Variants in CNTNAP5 observed in about 807,000 individuals in gnomAD.
CNTNAP5 encodes the protein contactin-associated protein-like 5.
CNTNAP5 carries 72 observed loss-of-function variants against 150.2 expected under a neutral mutation model. The observed-to-expected ratio is 0.48, with a 90% confidence interval of 0.40 to 0.58. The LOEUF (loss-of-function observed/expected upper bound fraction) is 0.58. Among genes scored for constraint, CNTNAP5 ranks in the 20% least tolerant of loss-of-function variants. The pLI is 0.00. For synonymous variants in CNTNAP5, 672 were observed against 619.8 expected (o/e 1.08, Z -1.25); for missense variants, 1,636 against 1,626.2 (o/e 1.01, Z -0.10).
intron 19 of CNTNAP5, among the ~76,000 whole-genome samples, chr2:124,850,273 A>T (rs150574283): frequency 6.6e-6 from 1 of 152,338 alleles, no homozygotes; most frequent in East Asian, 1.9e-4. Flanking sequence ...TAACAGATGT[A>T]ATAAATTAAG....
At chr2:124,529,228 C>T (rs1695049772) in intron 10 of CNTNAP5, among the ~76,000 whole-genome samples, 1 of 152,146 alleles carries the variant, frequency 6.6e-6, no homozygotes, top group South Asian at 2.1e-4. Context: ...CATCCTACTT[C>T]ATCAGCCAGT....
chr2:124,891,765 C>CAGTGGTGTTT (rs1225611228), intron 21 of CNTNAP5, among the ~76,000 whole-genome samples: 1 of 152,040 alleles, frequency 6.6e-6, no homozygotes, highest in African/African-American at 2.4e-5. Flanking sequence ...TAATTAAATA[C>CAGTGGTGTTT]AGTGGTGTTT....
At chr2:124,685,521 T>C (rs1484974931) in intron 13 of CNTNAP5, among the ~76,000 whole-genome samples, 1 of 152,194 alleles carries the variant, frequency 6.6e-6, no homozygotes, top group Non-Finnish European at 1.5e-5. Context: ...TTGTGATGAC[T>C]TAAGGTAGTG....
At chr2:124,485,946 C>T (rs1693870935) in intron 7 of CNTNAP5, among the ~76,000 whole-genome samples, 1 of 152,178 alleles carries the variant, frequency 6.6e-6, no homozygotes, top group Non-Finnish European at 1.5e-5. Flanking sequence ...TGAGCAATTT[C>T]ACTACTAGGT....
chr2:124,421,028 C>A (rs766830525), intron 4 of CNTNAP5, among the ~76,000 whole-genome samples: 45 of 152,180 alleles, frequency 3.0e-4, no homozygotes, highest in Non-Finnish European at 7.3e-5. Flanking sequence ...AAAGCTATGT[C>A]CATATTTTTA....
chr2:124,660,943 CAAAA>C (rs34511096), intron 13 of CNTNAP5, among the ~76,000 whole-genome samples: 53 of 104,154 alleles, frequency 5.1e-4, no homozygotes, highest in Non-Finnish European at 5.8e-4. Flanking sequence ...GACTGGGTCT[CAAAA>C]AAAAAAAAAA....
intron 1 of CNTNAP5, among the ~76,000 whole-genome samples, chr2:124,218,666 C>T (rs765576314): frequency 5.3e-5 from 8 of 152,056 alleles, no homozygotes; most frequent in East Asian, 3.9e-4. Context: ...GAGGAGAAAA[C>T]GGACAGTAGG....
chr2:124,479,768 A>G lies in CNTNAP5; in HGVS notation c.1062+4886A>G, dbSNP rs1223877713. Among the ~76,000 whole-genome samples the G allele has an allele frequency of 2.6e-5, 4 of 152,192 alleles. 1 individual carries two copies. The South Asian group carries it at 6.2e-4, about 24-fold the overall frequency. ...TTCAGTGTTCCTGGAAGCATCCTCA[A>G]TAAAATCATAATTGAAACATTGACT... On this transcript the variant is annotated intron_variant, in intron 7 of 23. Transcript: ENST00000682447.
At chr2:124,060,575 G>A (rs1179094465) in intron 1 of CNTNAP5, among the ~76,000 whole-genome samples, 1 of 152,216 alleles carries the variant, frequency 6.6e-6, no homozygotes, top group Non-Finnish European at 1.5e-5. Flanking sequence ...GACCTCCTTA[G>A]GTGGAGAAGG....
chr2:124,043,835 C>T (rs1317255265), intron 1 of CNTNAP5, among the ~76,000 whole-genome samples: 1 of 152,172 alleles, frequency 6.6e-6, no homozygotes, highest in Admixed American at 6.5e-5. Context: ...ACTTACTTGG[C>T]CCTCAACTAA....
intron 17 of CNTNAP5, among the ~76,000 whole-genome samples, chr2:124,785,273 G>A (rs952938135): frequency 6.6e-6 from 1 of 152,156 alleles, no homozygotes; most frequent in Non-Finnish European, 1.5e-5. Flanking sequence ...GTGGTCAAGT[G>A]GAGAGTGCAT....
Position 124,236,460 on chromosome 2 carries a change from G to C in CNTNAP5, c.188-5740G>C, listed in dbSNP as rs143081290. Reference sequence around the variant, plus strand: ...GCCACAGGTCCTATTACACATGGGTGATCCCGTTCTACAGGGAGGAGCAGG... The same window carrying C: ...GCCACAGGTCCTATTACACATGGGTCATCCCGTTCTACAGGGAGGAGCAGG... On this transcript the variant is annotated intron_variant, in intron 2 of 23. Coordinates refer to ENST00000682447, the MANE Select transcript of CNTNAP5 (RefSeq NM_001367498.1). Among the ~76,000 whole-genome samples the C allele has an allele frequency of 3.8e-3, 574 of 152,298 alleles. 4 individuals carry two copies. The highest frequency in any genetic ancestry group is 0.013 in the African/African-American group (554 of 41,562).
intron 8 of CNTNAP5, among the ~76,000 whole-genome samples, chr2:124,517,255 GTGA>G (rs1694741450): frequency 6.6e-6 from 1 of 151,064 alleles, no homozygotes. Context: ...TGTAATGTTG[GTGA>G]TGAGGTGTGG....
chr2:124,594,318 G>T (rs1297072983), intron 11 of CNTNAP5, among the ~76,000 whole-genome samples: 2 of 147,956 alleles, frequency 1.4e-5, no homozygotes, highest in African/African-American at 2.5e-5. Context: ...TTTGTATAAG[G>T]TGTAAGGAAG....
chr2:124,586,986 G>A (rs74468364), intron 11 of CNTNAP5, among the ~76,000 whole-genome samples: 1 of 152,020 alleles, frequency 6.6e-6, no homozygotes, highest in Non-Finnish European at 1.5e-5. Context: ...CTGCTGAATG[G>A]TGAGTGGACT....
chr2:124,176,842 G>GGTTTTTTTTT (rs1685077045), intron 1 of CNTNAP5, among the ~76,000 whole-genome samples: 1 of 119,916 alleles, frequency 8.3e-6, no homozygotes, highest in Non-Finnish European at 1.7e-5. Flanking sequence ...GTTATTGCTG[G>GGTTTTTTTTT]TTTTTTTTTT....
chr2:124,028,786 A>G lies in CNTNAP5; in HGVS notation c.82+3054A>G, dbSNP rs141520222. On this transcript the variant is annotated intron_variant, in intron 1 of 23. Coordinates refer to ENST00000682447, the MANE Select transcript of CNTNAP5 (RefSeq NM_001367498.1). ...TTATGCCACAGCTAAGCGTTCAAAT[A>G]CCTATTATGTTATTCAACCTTATAG... is the stretch of plus-strand genomic sequence containing the variant. 9.2e-5 allele frequency among the ~76,000 whole-genome samples: 14 copies of G among 152,244 alleles called. No homozygotes were observed. In the East Asian group the frequency reaches 2.5e-3, roughly 27 times the overall value.
chr2:124,099,676 T>C (rs143590627), intron 1 of CNTNAP5, among the ~76,000 whole-genome samples: 5 of 152,250 alleles, frequency 3.3e-5, no homozygotes, highest in African/African-American at 1.2e-4. Flanking sequence ...CTGCAGGCTG[T>C]ATAGGAAGAA....
intron 4 of CNTNAP5, among the ~76,000 whole-genome samples, chr2:124,432,383 A>C (rs1692412517): frequency 6.6e-6 from 1 of 152,156 alleles, no homozygotes; most frequent in Non-Finnish European, 1.5e-5. Flanking sequence ...TCCTGGAGAC[A>C]CTGGGTCCCT....
Sources: allele counts gnomAD v4.1 joint callset (sites outside exome capture counted in the v4.1 genomes callset), GRCh38; gene constraint gnomAD v4.1.1; transcripts MANE v1.5; gene names NCBI Gene and HGNC (gene_info 2026-07-23, HGNC 2026-07-21).